The following MAML2 variants were observed in gnomAD, a reference collection of about 807,000 sequenced individuals.
MAML2 encodes the protein mastermind like transcriptional coactivator 2.
A neutral mutation model predicts 96.1 loss-of-function variants in MAML2; 22 were observed. The ratio of observed to expected loss-of-function variants is 0.23; its 90% confidence interval spans 0.16 to 0.33. MAML2 has a LOEUF of 0.33. MAML2 is among the 10% of genes least tolerant of loss of function. The pLI is 1.00. For synonymous variants in MAML2, 561 were observed against 521.3 expected (o/e 1.08, Z -1.04); for missense variants, 1,367 against 1,392.4 (o/e 0.98, Z 0.29).
intron 1 of MAML2, among the ~76,000 whole-genome samples, chr11:96,254,003 A>G (rs1304619015): frequency 6.6e-6 from 1 of 152,206 alleles, no homozygotes; most frequent in Non-Finnish European, 1.5e-5. Flanking sequence ...ATAAGAATAA[A>G]TACAATACAC....
chr11:96,209,878 GGAATAGTTAA>G (rs2135937626), intron 1 of MAML2, among the ~76,000 whole-genome samples: 1 of 152,216 alleles, frequency 6.6e-6, no homozygotes, highest in African/African-American at 2.4e-5. Flanking sequence ...CACTATGCAT[GGAATAGTTAA>G]GAATAGTTTA....
chr11:96,324,943 TG>T (rs1291065484), intron 1 of MAML2, among the ~76,000 whole-genome samples: 1 of 152,190 alleles, frequency 6.6e-6, no homozygotes, highest in Non-Finnish European at 1.5e-5. Flanking sequence ...GGTACCAAAT[TG>T]TGGGCTTTCA....
intron 2 of MAML2, among the ~76,000 whole-genome samples, chr11:96,084,685 G>A (rs1304584760): frequency 6.6e-6 from 1 of 152,182 alleles, no homozygotes; most frequent in African/African-American, 2.4e-5. Flanking sequence ...AGAAGAGAGA[G>A]TACAGCCAAG....
Position 95,985,592 on chromosome 11 carries a change from A to C in MAML2, c.2394T>G (p.Pro798=), listed in dbSNP as rs1253317885. The C allele has an allele frequency of 6.2e-7, 1 of 1,612,696 alleles. No homozygotes were observed. Among genetic ancestry groups the C allele is most frequent in the Non-Finnish European group, 8.5e-7 (1 of 1,179,284 alleles). Residue 798 remains proline, a synonymous_variant, in exon 4 of 5, where the codon CCT becomes CCG. Transcript: ENST00000524717. ...TTCTTCTTTGGTCTTTATAATCTGG[A>C]GGTGGCCTTGACAAATGTCGGTTTA... The part of the protein sequence containing the change: ...DQINRHLSRP[P]PDYKDQRRNV...
chr11:96,204,974 G>A (rs1013694587), intron 1 of MAML2, among the ~76,000 whole-genome samples: 1 of 152,154 alleles, frequency 6.6e-6, no homozygotes, highest in African/African-American at 2.4e-5. Flanking sequence ...CTTAAGAATC[G>A]AAAGCTCAGA....
chr11:96,182,219 A>G (rs1861497443), intron 1 of MAML2, among the ~76,000 whole-genome samples: 1 of 152,214 alleles, frequency 6.6e-6, no homozygotes, highest in African/African-American at 2.4e-5. Context: ...TAGGTATAAA[A>G]GCACTTTGGA....
At position 96,034,456 on chromosome 11, in the gene MAML2, A is replaced by AGTGT. The variant is rs1554998954; in HGVS notation, c.2140-42737_2140-42734dup. On this transcript the variant is annotated intron_variant, in intron 2 of 4. Transcript: ENST00000524717. ...GTGAGAGAGAGAGAGAGAGAGAGAG[A>AGTGT]GTGTGTGTGTGTGTGTGTGTCAGAG... Among the ~76,000 whole-genome samples the AGTGT allele has an allele frequency of 8.4e-3, 1,217 of 144,808 alleles. 12 individuals are homozygous for AGTGT. Among genetic ancestry groups the AGTGT allele is most frequent in the East Asian group, 0.059 (288 of 4,854 alleles). The allele number at this position is 144,808 out of a possible 152,430, so 95.0% of individuals were successfully genotyped here. A position where few individuals can be genotyped will look rare whatever the true frequency, so the allele number is the denominator to read the frequency against.
At chr11:96,290,992 G>T (rs1195368577) in intron 1 of MAML2, among the ~76,000 whole-genome samples, 4 of 151,622 alleles carry the variant, frequency 2.6e-5, no homozygotes, top group Non-Finnish European at 4.4e-5. Context: ...CTTTCTAGAG[G>T]TGAATCTGTC....
At chr11:96,328,836 A>C (rs1819870389) in intron 1 of MAML2, among the ~76,000 whole-genome samples, 1 of 152,156 alleles carries the variant, frequency 6.6e-6, no homozygotes, top group Non-Finnish European at 1.5e-5. Flanking sequence ...ATAAGAAAAA[A>C]AGAGGCAGTG....
At chr11:96,015,988 G>T (rs1047591881) in intron 2 of MAML2, among the ~76,000 whole-genome samples, 2 of 152,116 alleles carry the variant, frequency 1.3e-5, no homozygotes, top group Non-Finnish European at 2.9e-5. Context: ...GATAATACAT[G>T]CATGGCTGGC....
intron 4 of MAML2, among the ~76,000 whole-genome samples, chr11:95,984,866 G>A (rs1857800958): frequency 6.6e-6 from 1 of 152,182 alleles, no homozygotes; most frequent in South Asian, 2.1e-4. Flanking sequence ...GAAGCGTATT[G>A]AATAGTTGCT....
intron 2 of MAML2, among the ~76,000 whole-genome samples, chr11:96,007,940 T>C (rs1382410632): frequency 2.0e-5 from 3 of 148,684 alleles, no homozygotes; most frequent in African/African-American, 7.4e-5. Context: ...GACGAGTTAG[T>C]GGGTGCAGCG....
chr11:96,340,436 G>T (rs531196967), intron 1 of MAML2, among the ~76,000 whole-genome samples: 2 of 152,232 alleles, frequency 1.3e-5, no homozygotes, highest in Admixed American at 6.5e-5. Flanking sequence ...CAGCAGCTTT[G>T]GGGGGAAGCC....
chr11:96,043,066 G>A (rs1463769259), intron 2 of MAML2, among the ~76,000 whole-genome samples: 1 of 152,052 alleles, frequency 6.6e-6, no homozygotes, highest in South Asian at 2.1e-4. Context: ...TCTCTTGTCT[G>A]GGTACCACCT....
chr11:96,329,788 T>G (rs374833185), intron 1 of MAML2, among the ~76,000 whole-genome samples: 3 of 152,180 alleles, frequency 2.0e-5, no homozygotes, highest in African/African-American at 7.2e-5. Context: ...TTATTTGTTG[T>G]GAAGGCTAAG....
At chr11:96,317,510 G>C (rs1863647611) in intron 1 of MAML2, among the ~76,000 whole-genome samples, 1 of 152,140 alleles carries the variant, frequency 6.6e-6, no homozygotes, top group African/African-American at 2.4e-5. Context: ...GAATTATACT[G>C]TGCCTCCCTT....
rs141259019 is a variant in MAML2 at position 96,210,266 on chromosome 11, C to T, written c.514-116749G>A. On this transcript the variant is annotated intron_variant, in intron 1 of 4. Coordinates refer to ENST00000524717, the MANE Select transcript of MAML2 (RefSeq NM_032427.4). ...CTGGGATTACAGGCACCCGACACCA[C>T]GCCTGGCTAATTTTTGTATTTTTGT... Among the ~76,000 whole-genome samples the T allele has an allele frequency of 1.2e-4, 19 of 152,164 alleles. No homozygotes were observed. In the East Asian group the frequency reaches 1.5e-3, roughly 12 times the overall value.
At position 96,020,617 on chromosome 11, in the gene MAML2, C is replaced by T. The variant is rs138995273; in HGVS notation, c.2140-28894G>A. Among the ~76,000 whole-genome samples the T allele has an allele frequency of 3.0e-3, 457 of 152,264 alleles. 3 individuals are homozygous for T. The highest frequency in any genetic ancestry group is 0.01 in the African/African-American group (433 of 41,538). On this transcript the variant is annotated intron_variant, in intron 2 of 4. Coordinates refer to ENST00000524717, the MANE Select transcript of MAML2 (RefSeq NM_032427.4). ...TCTGATGCAGTGGATCCGCAGGCCA[C>T]GTGTGAACTGATGAGAGCTAGGTGA...
At chr11:96,273,924 A>T (rs1353559620) in intron 1 of MAML2, among the ~76,000 whole-genome samples, 2 of 152,092 alleles carry the variant, frequency 1.3e-5, no homozygotes, top group East Asian at 3.8e-4. Flanking sequence ...GCAGGGGTCA[A>T]ATCCTTATTT....
Sources: gnomAD v4.1 joint callset for allele counts (sites outside exome capture counted in the v4.1 genomes callset) on GRCh38, gnomAD v4.1.1 for gene constraint, MANE v1.5 for transcripts, NCBI Gene and HGNC (gene_info 2026-07-23, HGNC 2026-07-21) for gene names.